The following RBFOX1 variants were observed in gnomAD, a reference collection of about 807,000 sequenced individuals.
RBFOX1 encodes RNA binding fox-1 homolog 1, also known as RNA binding protein fox-1 homolog 1.
Under a neutral mutation model 57.7 loss-of-function variants are expected in RBFOX1, and 8 were observed. That is an observed-to-expected ratio of 0.14 (90% CI 0.08 to 0.25). The LOEUF (loss-of-function observed/expected upper bound fraction) is 0.25. Ranked by LOEUF, RBFOX1 falls within the 10% of genes least tolerant of loss-of-function variation. The pLI, the probability that RBFOX1 is intolerant of heterozygous loss-of-function variation, is 1.00. For missense variants in RBFOX1, 611 were observed against 548.5 expected, an observed-to-expected ratio of 1.11 and a Z score of -1.14; for synonymous variants, 326 against 222.4, an observed-to-expected ratio of 1.47 and a Z score of -4.15.
intron 3 of RBFOX1, among the ~76,000 whole-genome samples, chr16:6,848,432 G>T (rs2093884159): frequency 6.6e-6 from 1 of 152,138 alleles, no homozygotes; most frequent in Non-Finnish European, 1.5e-5. Flanking sequence ...AAACACTTCT[G>T]TTGACCACAC....
chr16:7,230,309 A>T (rs2093425327), intron 4 of RBFOX1, among the ~76,000 whole-genome samples: 1 of 152,158 alleles, frequency 6.6e-6, no homozygotes, highest in South Asian at 2.1e-4. Flanking sequence ...GACAAGGCAA[A>T]ACATCAATAA....
intron 2 of RBFOX1, among the ~76,000 whole-genome samples, chr16:6,633,094 G>A (rs878974629): frequency 4.6e-4 from 70 of 152,066 alleles, no homozygotes; most frequent in African/African-American, 1.6e-3. Context: ...CCAGCCCTTG[G>A]AAGAAAGTTG....
chr16:6,696,289 C>G (rs569621819), intron 3 of RBFOX1, among the ~76,000 whole-genome samples: 2 of 152,234 alleles, frequency 1.3e-5, no homozygotes, highest in South Asian at 2.1e-4. Flanking sequence ...TATCTCCAAA[C>G]TAAGTGAAAT....
intron 4 of RBFOX1, among the ~76,000 whole-genome samples, chr16:5,877,825 C>G (rs965799091): frequency 6.6e-6 from 1 of 152,158 alleles, no homozygotes; most frequent in African/African-American, 2.4e-5. Context: ...TGGGTTGTTG[C>G]CATGGCAAGG....
chr16:6,299,479 A>G lies in RBFOX1; in HGVS notation c.-126-17516A>G, dbSNP rs148321952. ...GAGGTCGAGTAACTTGCCCAAGGTCACAGCGCCAGCACATGGTGAAGCGCA... is the reference window on the plus strand; with the variant it reads ...GAGGTCGAGTAACTTGCCCAAGGTCGCAGCGCCAGCACATGGTGAAGCGCA... On this transcript the variant is annotated intron_variant, in intron 1 of 15. Transcript: ENST00000550418. Among the ~76,000 whole-genome samples the G allele has an allele frequency of 8.7e-3, 1,318 of 152,286 alleles. 27 individuals are homozygous for G. The highest frequency in any genetic ancestry group is 0.03 in the African/African-American group (1,235 of 41,556).
downstream of RBFOX1, among the ~76,000 whole-genome samples, chr16:5,600,486 CAAAAAAA>C (rs34621437): frequency 1.1e-5 from 1 of 90,296 alleles, no homozygotes; most frequent in Non-Finnish European, 2.2e-5. Flanking sequence ...GAGCCTGTCT[CAAAAAAA>C]AAAAAAAAAA....
chr16:7,161,576 G>A (rs1386940553), intron 4 of RBFOX1, among the ~76,000 whole-genome samples: 2 of 152,126 alleles, frequency 1.3e-5, no homozygotes, highest in African/African-American at 2.4e-5. Flanking sequence ...CTAAGGCTGT[G>A]TACCTACTAA....
Position 7,385,919 on chromosome 16 carries a change from CTTATTTATTTAT to C in RBFOX1, c.28-132197_28-132186del, listed in dbSNP as rs138535933. Among the ~76,000 whole-genome samples the C allele has an allele frequency of 2.2e-3, 298 of 135,242 alleles. 1 individual carries two copies. The highest frequency in any genetic ancestry group is 4.2e-3 in the African/African-American group (156 of 37,364). The allele number at this position is 135,242 out of a possible 152,430, so 88.7% of individuals were successfully genotyped here. A position where few individuals can be genotyped will look rare whatever the true frequency, so the allele number is the denominator to read the frequency against. ...AGGCACATGCCACCATGCCCAGTTA[CTTATTTATTTAT>C]TTATTTATTTATTTATTTATTTATT... On this transcript the variant is annotated intron_variant, in intron 4 of 15. Coordinates refer to ENST00000550418, the MANE Select transcript of RBFOX1 (RefSeq NM_018723.4).
chr16:5,343,298 G>GTT (rs33934959), intron 1 of RBFOX1, among the ~76,000 whole-genome samples: 11,821 of 109,508 alleles, frequency 0.11, 425 homozygotes, highest in Non-Finnish European at 0.12. Flanking sequence ...CTTCTTTGAA[G>GTT]TTTTTTTTTT....
intron 4 of RBFOX1, among the ~76,000 whole-genome samples, chr16:5,932,346 C>T (rs995330444): frequency 6.6e-6 from 1 of 152,184 alleles, no homozygotes; most frequent in African/African-American, 2.4e-5. Flanking sequence ...GAAAACAGAG[C>T]CTCAGTCCTG....
chr16:5,815,557 C>T (rs953097529), intron 3 of RBFOX1, among the ~76,000 whole-genome samples: 3 of 152,140 alleles, frequency 2.0e-5, no homozygotes, highest in African/African-American at 7.2e-5. Context: ...AGTCCATCTC[C>T]TTCTCTCCAG....
chr16:7,213,080 C>G (rs1177851321), intron 4 of RBFOX1, among the ~76,000 whole-genome samples: 2 of 152,088 alleles, frequency 1.3e-5, no homozygotes, highest in Non-Finnish European at 2.9e-5. Flanking sequence ...GAATAGGTTG[C>G]CAAGACTTTA....
chr16:6,122,800 GTA>G (rs375741211), intron 1 of RBFOX1, among the ~76,000 whole-genome samples: 6 of 118,782 alleles, frequency 5.1e-5, no homozygotes, highest in African/African-American at 7.2e-5. Flanking sequence ...CTATGTGTGT[GTA>G]TGTGTGTGTG....
chr16:6,957,715 G>A lies in RBFOX1; in HGVS notation c.-15-94342G>A, dbSNP rs28555679. On this transcript the variant is annotated intron_variant, in intron 3 of 15. Transcript: ENST00000550418. ...GGAAAGTAGCCCAGCAGGTCTCAGC[G>A]TCATTTTACCCAGCCCCTATTGAAG... is the stretch of plus-strand genomic sequence containing the variant. Among the ~76,000 whole-genome samples the A allele has an allele frequency of 2.5e-3, 381 of 152,138 alleles. 1 individual carries two copies. The highest frequency in any genetic ancestry group is 8.9e-3 in the African/African-American group (369 of 41,472).
At chr16:7,141,796 C>A (rs573835419) in intron 4 of RBFOX1, among the ~76,000 whole-genome samples, 14 of 152,068 alleles carry the variant, frequency 9.2e-5, no homozygotes, top group Non-Finnish European at 1.8e-4. Context: ...TGGTCACGGT[C>A]CATCATATTG....
At chr16:5,563,568 T>C (rs1321519065) in intron 2 of RBFOX1, among the ~76,000 whole-genome samples, 1 of 152,216 alleles carries the variant, frequency 6.6e-6, no homozygotes, top group Non-Finnish European at 1.5e-5. Context: ...GTCATCAAAT[T>C]TGATGCTGTT....
intron 1 of RBFOX1, among the ~76,000 whole-genome samples, chr16:5,408,946 C>T (rs926110989): frequency 1.3e-5 from 2 of 152,204 alleles, no homozygotes; most frequent in African/African-American, 4.8e-5. Context: ...CCCACCAGGC[C>T]CTACCTCTAA....
At chr16:6,291,403 C>T (rs78432952) in intron 1 of RBFOX1, among the ~76,000 whole-genome samples, 93 of 152,208 alleles carry the variant, frequency 6.1e-4, no homozygotes, top group African/African-American at 2.0e-3. Flanking sequence ...GCCGCAGGGA[C>T]GGAATTGTTT....
chr16:7,679,298 A>G (rs1409747673), intron 14 of RBFOX1, among the ~76,000 whole-genome samples: 1 of 152,218 alleles, frequency 6.6e-6, no homozygotes, highest in African/African-American at 2.4e-5. Context: ...AAGTACCTAT[A>G]ATTTCTCTCA....
Sources: gnomAD v4.1 joint callset for allele counts (sites outside exome capture counted in the v4.1 genomes callset) on GRCh38, gnomAD v4.1.1 for gene constraint, MANE v1.5 for transcripts, NCBI Gene and HGNC (gene_info 2026-07-23, HGNC 2026-07-21) for gene names.